MCUB: variants seen among roughly 807,000 people sequenced by gnomAD.
MCUB encodes mitochondrial calcium uniporter dominant negative subunit beta.
Under a neutral mutation model 41.4 loss-of-function variants are expected in MCUB, and 46 were observed. That is an observed-to-expected ratio of 1.11 (90% CI 0.88 to 1.42). The LOEUF (loss-of-function observed/expected upper bound fraction) is 1.42, where lower values mean the gene tolerates loss of function less well. Ranked by LOEUF, MCUB falls within the 40% of genes most tolerant of loss-of-function variation. The probability of loss-of-function intolerance (pLI) is 0.00; values close to 1 mark genes in which losing one functional copy is unlikely to be tolerated. For synonymous variants in MCUB, 148 were observed against 148.2 expected, an observed-to-expected ratio of 1.00 and a Z score of 0.01; for missense variants, 403 against 404.9, an observed-to-expected ratio of 1.00 and a Z score of 0.04.
intron 1 of MCUB, among the ~76,000 whole-genome samples, chr4:109,618,987 T>TCTCTCTCTCC: frequency 6.9e-6 from 1 of 144,888 alleles, no homozygotes; most frequent in Non-Finnish European, 1.5e-5. Flanking sequence ...TCTCTCTCTC[T>TCTCTCTCTCC]CTACCTACCA....
At chr4:109,685,634 C>T (rs1729823412) in intron 7 of MCUB, among the ~76,000 whole-genome samples, 1 of 152,140 alleles carries the variant, frequency 6.6e-6, no homozygotes, top group South Asian at 2.1e-4. Context: ...CACTGGAAAT[C>T]CATTTCTAAG....
At chr4:109,672,858 A>C (rs1165524736) in intron 4 of MCUB, among the ~76,000 whole-genome samples, 1 of 152,088 alleles carries the variant, frequency 6.6e-6, no homozygotes, top group Non-Finnish European at 1.5e-5. Context: ...AAGTACTTTT[A>C]CTTTTTGATA....
At chr4:109,654,421 G>GCCAAT (rs1729032620) in intron 1 of MCUB, among the ~76,000 whole-genome samples, 1 of 151,960 alleles carries the variant, frequency 6.6e-6, no homozygotes, top group African/African-American at 2.4e-5. Flanking sequence ...AACCAGCCTG[G>GCCAAT]CCAATATGGT....
At chr4:109,634,862 G>A (rs537944336) in intron 1 of MCUB, among the ~76,000 whole-genome samples, 57 of 152,118 alleles carry the variant, frequency 3.7e-4, no homozygotes, top group Non-Finnish European at 5.9e-4. Flanking sequence ...ATGCAGGTTC[G>A]TTACATAGGT....
chr4:109,645,545 T>C (rs1204430086), intron 1 of MCUB, among the ~76,000 whole-genome samples: 1 of 152,024 alleles, frequency 6.6e-6, no homozygotes, highest in Non-Finnish European at 1.5e-5. Context: ...TGAGTTGATT[T>C]GTATCCTCTT....
chr4:109,676,969 C>CA (rs1729587641), intron 4 of MCUB, among the ~76,000 whole-genome samples: 1 of 152,230 alleles, frequency 6.6e-6, no homozygotes, highest in Non-Finnish European at 1.5e-5. Flanking sequence ...TACCAGTGTG[C>CA]AGCAGCATCC....
intron 1 of MCUB, among the ~76,000 whole-genome samples, chr4:109,655,907 T>A (rs1156632651): frequency 2.0e-5 from 3 of 152,080 alleles, no homozygotes; most frequent in Non-Finnish European, 4.4e-5. Flanking sequence ...TCTCTGTGTA[T>A]GGGGTCTGGG....
intron 1 of MCUB, among the ~76,000 whole-genome samples, chr4:109,578,089 A>G (rs894354039): frequency 1.3e-5 from 2 of 152,200 alleles, no homozygotes; most frequent in African/African-American, 4.8e-5. Context: ...AGGAACTTCA[A>G]AAGAGTTTGG....
intron 1 of MCUB, among the ~76,000 whole-genome samples, chr4:109,606,195 C>T (rs1224463175): frequency 1.3e-5 from 2 of 152,052 alleles, no homozygotes; most frequent in Non-Finnish European, 2.9e-5. Flanking sequence ...AGAATGGTCT[C>T]GATCTCCTGA....
intron 1 of MCUB, among the ~76,000 whole-genome samples, chr4:109,582,513 C>G (rs1488613979): frequency 1.4e-5 from 2 of 146,140 alleles, no homozygotes; most frequent in African/African-American, 5.1e-5. Flanking sequence ...TACCCTAAAA[C>G]TTAAAGTATA....
chr4:109,599,705 C>G (rs892631098), intron 1 of MCUB, among the ~76,000 whole-genome samples: 3 of 151,856 alleles, frequency 2.0e-5, no homozygotes, highest in African/African-American at 4.8e-5. Context: ...GAATCTCGCT[C>G]TGTCGCCCAG....
intron 1 of MCUB, among the ~76,000 whole-genome samples, chr4:109,621,382 G>A (rs546426112): frequency 6.6e-6 from 1 of 152,226 alleles, no homozygotes; most frequent in South Asian, 2.1e-4. Flanking sequence ...TACAATTGAA[G>A]GCTACTCTTA....
intron 4 of MCUB, chr4:109,681,353 C>G: frequency 2.8e-6 from 1 of 352,946 alleles, no homozygotes; most frequent in East Asian, 9.1e-5. Flanking sequence ...TAAAGTTTGT[C>G]TGTAGATTCC....
intron 1 of MCUB, among the ~76,000 whole-genome samples, chr4:109,654,002 G>C (rs1174502231): frequency 1.3e-5 from 2 of 152,010 alleles, no homozygotes; most frequent in Non-Finnish European, 2.9e-5. Flanking sequence ...TCATTTTCTG[G>C]AAGCCAGTTA....
At position 109,650,667 on chromosome 4, in the gene MCUB, C is replaced by T. The variant is rs187652956; in HGVS notation, c.100-8344C>T. Among the ~76,000 whole-genome samples, 488 of 152,308 alleles carry T rather than the reference C, an allele frequency of 3.2e-3. 11 individuals are homozygous for T. Among genetic ancestry groups the T allele is most frequent in the Admixed American group, 4.5e-3 (69 of 15,298 alleles). On this transcript the variant is annotated intron_variant, in intron 1 of 7. Coordinates refer to ENST00000394650, the MANE Select transcript of MCUB (RefSeq NM_017918.5). ...ATTCTCCAACTTAATGACAAACAAC[C>T]ATCAAAATAGGAAAATTAATGTTAG...
intron 1 of MCUB, among the ~76,000 whole-genome samples, chr4:109,605,585 G>A (rs1002772038): frequency 6.6e-6 from 1 of 152,162 alleles, no homozygotes; most frequent in Non-Finnish European, 1.5e-5. Flanking sequence ...TTTCTTGATT[G>A]ATTTTCTGTC....
chr4:109,645,211 C>G (rs1728807347), intron 1 of MCUB, among the ~76,000 whole-genome samples: 1 of 152,102 alleles, frequency 6.6e-6, no homozygotes, highest in South Asian at 2.1e-4. Context: ...TAAAAGTTAT[C>G]TTAAATTAGT....
intron 1 of MCUB, among the ~76,000 whole-genome samples, chr4:109,591,262 T>C (rs1727431116): frequency 6.6e-6 from 1 of 151,872 alleles, no homozygotes; most frequent in African/African-American, 2.4e-5. Flanking sequence ...CTCAGCTCAC[T>C]GCAACCTCCA....
In MCUB at chr4:109,687,552, G is replaced by A. The variant is rs376182349; in HGVS notation, c.971G>A (p.Cys324Tyr). 163 of 1,612,516 alleles carry A rather than the reference G, an allele frequency of 1.0e-4. No homozygotes were observed. The highest frequency in any genetic ancestry group is 1.2e-4 in the Non-Finnish European group (142 of 1,179,000). Residue 324 changes from cysteine to tyrosine, a missense_variant, in exon 8 of 8, where the codon TGT becomes TAT. Coordinates refer to ENST00000394650, the MANE Select transcript of MCUB (RefSeq NM_017918.5). The stretch of plus-strand genomic sequence containing the variant: ...CTGAAACAGGCGCGTCATTCTCTCT[G>A]TTTGCAAATGCAAGTAGAAGAACTC... ...ESLKQARHSL[C>Y]LQMQVEELNE...
Sources: gnomAD v4.1 joint callset for allele counts (sites outside exome capture counted in the v4.1 genomes callset) on GRCh38, gnomAD v4.1.1 for gene constraint, MANE v1.5 for transcripts, NCBI Gene and HGNC (gene_info 2026-07-23, HGNC 2026-07-21) for gene names.